The following ZSCAN5A variants were observed in gnomAD, a reference collection of about 807,000 sequenced individuals.
ZSCAN5A encodes zinc finger and SCAN domain-containing protein 5A.
Under a neutral mutation model 23.7 loss-of-function variants are expected in ZSCAN5A, and 12 were observed. The observed-to-expected ratio is 0.51, with a 90% CI of 0.32 to 0.82. ZSCAN5A has a LOEUF of 0.82. ZSCAN5A is among the 40% of genes least tolerant of loss of function. The pLI is 0.03. For synonymous variants in ZSCAN5A, 257 were observed against 239.9 expected (o/e 1.07, Z -0.66); for missense variants, 597 against 617.9 (o/e 0.97, Z 0.36).
chr19:56,297,775 G>C (rs562769161), intron 2 of ZSCAN5A: 2 of 152,440 alleles, frequency 1.3e-5, no homozygotes, highest in Admixed American at 6.5e-5. Context: ...TTCTATCCCA[G>C]CTGCTGCTTC....
At position 56,224,140 on chromosome 19, in the gene ZSCAN5A, G is replaced by A. The variant is rs561678109; in HGVS notation, c.385-306C>T. On this transcript the variant is annotated intron_variant, in intron 3 of 5. Transcript: ENST00000683990. ...CTGGGTGAATCCAACTCAATTGGCC[G>A]ATGGCAGCTCACCTTGTATTAGAAC... Among the ~76,000 whole-genome samples, 389 of 151,948 alleles carry A rather than the reference G, an allele frequency of 2.6e-3. 11 individuals carry two copies. The highest frequency in any genetic ancestry group is 9.0e-3 in the African/African-American group (370 of 41,228).
intron 2 of ZSCAN5A, among the ~76,000 whole-genome samples, chr19:56,249,980 T>C (rs2036226505): frequency 1.3e-5 from 2 of 152,138 alleles, no homozygotes; most frequent in African/African-American, 4.8e-5. Context: ...ACTCCGGAAA[T>C]AGGCTGGATT....
intron 2 of ZSCAN5A, among the ~76,000 whole-genome samples, chr19:56,326,098 A>C (rs1009076936): frequency 6.6e-6 from 1 of 151,382 alleles, no homozygotes; most frequent in Non-Finnish European, 1.5e-5. Flanking sequence ...ACGCCCAGCT[A>C]ATTTTTTTTT....
chr19:56,247,032 C>A, intron 2 of ZSCAN5A: 1 of 896,622 alleles, frequency 1.1e-6, no homozygotes, highest in Non-Finnish European at 1.9e-6. Flanking sequence ...ACCCCAATGG[C>A]CAAGAAGCCA....
At chr19:56,328,480 C>T (rs1473468229) in intron 2 of ZSCAN5A, among the ~76,000 whole-genome samples, 1 of 149,942 alleles carries the variant, frequency 6.7e-6, no homozygotes. Flanking sequence ...CCCATCTCTA[C>T]TAAATACAAA....
intron 2 of ZSCAN5A, chr19:56,342,862 TA>T (rs1337536110): frequency 1.1e-6 from 1 of 946,060 alleles, no homozygotes; most frequent in Non-Finnish European, 1.7e-6. Flanking sequence ...GAATCCTGGA[TA>T]TCATTGCACA....
chr19:56,360,911 G>T (rs1418575386), intron 2 of ZSCAN5A, among the ~76,000 whole-genome samples: 2 of 152,120 alleles, frequency 1.3e-5, no homozygotes. Context: ...GCAACCTACA[G>T]CATGGAAGAA....
At chr19:56,346,559 A>C (rs997879396) in intron 2 of ZSCAN5A, among the ~76,000 whole-genome samples, 5 of 152,046 alleles carry the variant, frequency 3.3e-5, no homozygotes, top group African/African-American at 1.2e-4. Context: ...ACCCACAAAA[A>C]CCAGAGTTGT....
In ZSCAN5A at chr19:56,222,160, T is replaced by A. The variant is rs775056297; in HGVS notation, c.906A>T (p.Pro302=). 1 of 1,614,122 alleles carries A rather than the reference T, an allele frequency of 6.2e-7. No homozygotes were observed. Among genetic ancestry groups the A allele is most frequent in the South Asian group, 1.1e-5 (1 of 91,086 alleles). Residue 302 remains proline, a synonymous_variant, in exon 6 of 6, where the codon CCA becomes CCT. Transcript: ENST00000683990. ...LNLSSPKRSK[P]DASSISQEEP... is the part of the protein sequence containing the mutation. ...CTTCTTGGGAAATGGAGGAGGCATCTGGTTTGCTTCTTTTGGGACTGCTCA... is the reference window on the plus strand; with the variant it reads ...CTTCTTGGGAAATGGAGGAGGCATCAGGTTTGCTTCTTTTGGGACTGCTCA...
intron 2 of ZSCAN5A, among the ~76,000 whole-genome samples, chr19:56,249,795 TGC>T (rs2036216923): frequency 1.3e-5 from 2 of 152,198 alleles, no homozygotes; most frequent in African/African-American, 4.8e-5. Flanking sequence ...GGCGCCACAT[TGC>T]CTTGAGTTGT....
At chr19:56,291,445 C>G (rs2039502846) in intron 2 of ZSCAN5A, among the ~76,000 whole-genome samples, 1 of 152,188 alleles carries the variant, frequency 6.6e-6, no homozygotes, top group African/African-American at 2.4e-5. Flanking sequence ...TCGCATTAAT[C>G]TGGAAGACAC....
chr19:56,320,144 G>A, intron 2 of ZSCAN5A: 1 of 741,478 alleles, frequency 1.3e-6, no homozygotes, highest in Admixed American at 1.8e-5. Context: ...TCAAAGTTTA[G>A]TCTGTTTCAT....
At chr19:56,276,773 G>T (rs1468658996) in intron 2 of ZSCAN5A, among the ~76,000 whole-genome samples, 1 of 152,004 alleles carries the variant, frequency 6.6e-6, no homozygotes, top group Non-Finnish European at 1.5e-5. Context: ...CTGACCTCAG[G>T]TGATCCGCCC....
chr19:56,265,547 G>A (rs2037415785), intron 2 of ZSCAN5A, among the ~76,000 whole-genome samples: 1 of 151,742 alleles, frequency 6.6e-6, no homozygotes, highest in Non-Finnish European at 1.5e-5. Context: ...TGAACTTCTT[G>A]AATCAAGCAG....
intron 2 of ZSCAN5A, among the ~76,000 whole-genome samples, chr19:56,249,787 C>T (rs1034973798): frequency 6.6e-6 from 1 of 152,136 alleles, no homozygotes; most frequent in Non-Finnish European, 1.5e-5. Flanking sequence ...CCATCCAAGG[C>T]GCCACATTGC....
intron 2 of ZSCAN5A, among the ~76,000 whole-genome samples, chr19:56,302,648 TCCC>T (rs201988390): frequency 8.3e-6 from 1 of 119,992 alleles, no homozygotes; most frequent in Admixed American, 8.7e-5. Context: ...TTCCTTTTCT[TCCC>T]CCCCTCCCTG....
intron 2 of ZSCAN5A, among the ~76,000 whole-genome samples, chr19:56,248,972 G>A (rs888783641): frequency 6.6e-6 from 1 of 152,150 alleles, no homozygotes; most frequent in Non-Finnish European, 1.5e-5. Flanking sequence ...GGCCTCATGA[G>A]TATCCACCAC....
chr19:56,316,817 G>T (rs551786598), upstream of ZSCAN5A: 1 of 152,280 alleles, frequency 6.6e-6, no homozygotes, highest in South Asian at 2.1e-4. Context: ...TTATTGTTTG[G>T]TCTGTTTATG....
At chr19:56,284,155 A>T (rs1600181165) in intron 2 of ZSCAN5A, 1 of 985,312 alleles carries the variant, frequency 1.0e-6, no homozygotes, top group African/African-American at 1.7e-5. Context: ...CACGCATGTA[A>T]CCTTGGCCAC....
Sources: allele counts gnomAD v4.1 joint callset (sites outside exome capture counted in the v4.1 genomes callset), GRCh38; gene constraint gnomAD v4.1.1; transcripts MANE v1.5; gene names NCBI Gene and HGNC (gene_info 2026-07-23, HGNC 2026-07-21).